The following RIN3 variants were observed in gnomAD, a reference collection of about 807,000 sequenced individuals.
RIN3 encodes RAB5 interacting protein 3.
RIN3 carries 54 observed loss-of-function variants against 76.3 expected under a neutral mutation model. The observed-to-expected ratio is 0.71, with a 90% CI of 0.57 to 0.89. The LOEUF (loss-of-function observed/expected upper bound fraction) is 0.89. Among genes scored for constraint, RIN3 ranks in the 40% least tolerant of loss-of-function variants. The probability of loss-of-function intolerance (pLI) is 0.00; values close to 1 mark genes in which losing one functional copy is unlikely to be tolerated. For synonymous variants in RIN3, 576 were observed against 564.0 expected (o/e 1.02, Z -0.30); for missense variants, 1,256 against 1,322.1 (o/e 0.95, Z 0.78).
At chr14:92,613,939 GTTGTGGGGCAGGTGC>G (rs1318920495) in intron 3 of RIN3, among the ~76,000 whole-genome samples, 1 of 152,204 alleles carries the variant, frequency 6.6e-6, no homozygotes, top group African/African-American at 2.4e-5. Flanking sequence ...TGAGTCAGGA[GTTGTGGGGCAGGTGC>G]CTGTGGGGCA....
chr14:92,657,019 C>CGT (rs201707132), intron 6 of RIN3, among the ~76,000 whole-genome samples: 2,022 of 152,242 alleles, frequency 0.013, 50 homozygotes, highest in African/African-American at 0.046. Flanking sequence ...AAGCTCTGCC[C>CGT]ATGTGTGTGG....
intron 4 of RIN3, among the ~76,000 whole-genome samples, chr14:92,636,357 G>A (rs1465328287): frequency 6.6e-6 from 1 of 152,192 alleles, no homozygotes; most frequent in Non-Finnish European, 1.5e-5. Flanking sequence ...AGGCCACTGT[G>A]TGGATCACCT....
intron 1 of RIN3, among the ~76,000 whole-genome samples, chr14:92,523,179 T>A (rs764637379): frequency 5.3e-5 from 8 of 152,186 alleles, no homozygotes; most frequent in Non-Finnish European, 1.2e-4. Context: ...GTGGCGATCT[T>A]GGCTCACTGC....
Position 92,645,604 on chromosome 14 carries a change from G to A in RIN3, c.532+4275G>A, listed in dbSNP as rs945733896. ...ATTGGCGATTGCCAGGGGCTGCATA[G>A]AAAGGGGGATGGAGAGTGACTGCTA... is the stretch of plus-strand genomic sequence containing the variant. On this transcript the variant is annotated intron_variant, in intron 5 of 9. Transcript: ENST00000216487. Among the ~76,000 whole-genome samples, 4 of 152,226 alleles carry A rather than the reference G, an allele frequency of 2.6e-5. No individual in the cohort carries two copies. The East Asian group carries it at 7.7e-4, about 29-fold the overall frequency.
intron 3 of RIN3, among the ~76,000 whole-genome samples, chr14:92,580,129 C>A (rs1369566413): frequency 6.6e-6 from 1 of 152,256 alleles, no homozygotes; most frequent in Non-Finnish European, 1.5e-5. Context: ...GTAATCCCAG[C>A]ACTTCGGGAG....
chr14:92,547,725 A>G (rs1036838535), intron 1 of RIN3, among the ~76,000 whole-genome samples: 1 of 151,668 alleles, frequency 6.6e-6, no homozygotes, highest in Non-Finnish European at 1.5e-5. Context: ...CTTTTTTGAG[A>G]CAGAGTCTCG....
At chr14:92,680,420 G>A (rs895991292) in intron 8 of RIN3, among the ~76,000 whole-genome samples, 12 of 152,132 alleles carry the variant, frequency 7.9e-5, no homozygotes, top group African/African-American at 2.7e-4. Flanking sequence ...GGCTGGTCTC[G>A]AACTCCTGAT....
chr14:92,650,874 G>A (rs1887390418), intron 5 of RIN3: 1 of 152,282 alleles, frequency 6.6e-6, no homozygotes, highest in Non-Finnish European at 1.5e-5. Context: ...GCTCCACGGT[G>A]CAGGAGCCTT....
At chr14:92,545,356 T>C (rs7143183) in intron 1 of RIN3, among the ~76,000 whole-genome samples, 124,600 of 151,628 alleles carry the variant, frequency 0.82, 51,319 homozygotes, top group Middle Eastern at 0.87. Flanking sequence ...GTGATCCACC[T>C]GCCTCGGCCT....
chr14:92,570,312 C>T (rs952114402), intron 2 of RIN3, among the ~76,000 whole-genome samples: 2 of 105,506 alleles, frequency 1.9e-5, no homozygotes, highest in East Asian at 5.3e-4. Flanking sequence ...AGAGTTCCCT[C>T]GTGGCAGATA....
chr14:92,678,623 C>T (rs190260714), intron 8 of RIN3, among the ~76,000 whole-genome samples: 36 of 151,974 alleles, frequency 2.4e-4, no homozygotes, highest in African/African-American at 8.4e-4. Context: ...ATCCACCCAC[C>T]TACGCAATCA....
intron 4 of RIN3, among the ~76,000 whole-genome samples, chr14:92,632,997 G>A (rs1197701655): frequency 2.6e-5 from 4 of 152,188 alleles, no homozygotes; most frequent in Admixed American, 6.5e-5. Context: ...GCTCTTCAGC[G>A]AGCAACCTGG....
rs1898280769 is a variant in RIN3 at position 92,577,457 on chromosome 14, C to G, written c.347C>G (p.Thr116Ser). Residue 116 changes from threonine (T) to serine (S), a missense_variant, in exon 3 of 10, where the codon ACC (threonine) becomes AGC (serine). This residue lies in a region of RIN3 where 610 missense variants were observed against 626.4 expected (regional missense o/e 0.97). Transcript: ENST00000216487. ...NESSAEVLEY[T>S]IKEEKSILYL... ...AGCTCGGCCGAGGTGCTCGAATACA[C>G]CATTAAGGAAGAAAAGTCGAGTAAG... 4 of 1,611,896 alleles carry G rather than the reference C, an allele frequency of 2.5e-6. No homozygotes were observed. The highest frequency in any genetic ancestry group is 4.5e-5 in the East Asian group (2 of 44,826).
At position 92,609,134 on chromosome 14, in the gene RIN3, T is replaced by A. The variant is rs1359132720; in HGVS notation, c.368-6273T>A. The stretch of plus-strand genomic sequence containing the variant: ...ACTCCCACTTATAAGTAAGAACATA[T>A]GATATATAGTTTTTCCATTCCTGAA... On this transcript the variant is annotated intron_variant, in intron 3 of 9. Coordinates refer to ENST00000216487, the MANE Select transcript of RIN3 (RefSeq NM_024832.5). Among the ~76,000 whole-genome samples, 8 of 152,310 alleles carry A rather than the reference T, an allele frequency of 5.3e-5. No homozygotes were observed. In the East Asian group the frequency reaches 1.3e-3, roughly 26 times the overall value.
At chr14:92,686,372 T>A (rs1413436764) in intron 9 of RIN3, 2 of 152,198 alleles carry the variant, frequency 1.3e-5, no homozygotes, top group Non-Finnish European at 2.9e-5. Context: ...AAGCTCTGAT[T>A]TTAGCTTCTG....
intron 2 of RIN3, among the ~76,000 whole-genome samples, chr14:92,564,101 G>C (rs900003248): frequency 2.0e-5 from 3 of 152,230 alleles, no homozygotes; most frequent in African/African-American, 7.2e-5. Context: ...TCCCCAAGCA[G>C]CTGGAAAATA....
At chr14:92,585,371 G>T (rs1307460217) in intron 3 of RIN3, among the ~76,000 whole-genome samples, 1 of 152,134 alleles carries the variant, frequency 6.6e-6, no homozygotes, top group Non-Finnish European at 1.5e-5. Flanking sequence ...TGACACCCGT[G>T]CACATGGATC....
chr14:92,564,212 TA>T (rs1312689942), intron 2 of RIN3, among the ~76,000 whole-genome samples: 1 of 152,226 alleles, frequency 6.6e-6, no homozygotes, highest in Non-Finnish European at 1.5e-5. Context: ...TAGCTTTGGA[TA>T]AAAATCCAAA....
Position 92,652,203 on chromosome 14 carries a change from C to G in RIN3, c.1154C>G (p.Ala385Gly). Residue 385 changes from alanine (A) to glycine (G), a missense_variant, in exon 6 of 10, where the codon GCC becomes GGC. Physicochemically the swap from Ala to Gly is moderately conservative, Grantham distance 60. This residue lies in a region of RIN3 where 610 missense variants were observed against 626.4 expected (regional missense o/e 0.97). Transcript: ENST00000216487. This position sits in a 1 kb window ranked among gnomAD's most constrained non-coding sequence, Gnocchi z 6.4. The stretch of plus-strand genomic sequence containing the variant: ...CCTGCGAAGAAGAACCTTCCCACTG[C>G]CCCTCCCAGACGCCGCGTTTCCGAG... Reference protein sequence around the residue: ...PLPAKKNLPTAPPRRRVSERV... With the variant: ...PLPAKKNLPTGPPRRRVSERV... The G allele has an allele frequency of 6.2e-7, 1 of 1,606,152 alleles. No individual in the cohort carries two copies. Among genetic ancestry groups the G allele is most frequent in the Non-Finnish European group, 8.5e-7 (1 of 1,174,930 alleles).
Sources: gnomAD v4.1 joint callset for allele counts (sites outside exome capture counted in the v4.1 genomes callset) on GRCh38, gnomAD v4.1.1 for gene constraint, gnomAD v4.1.1 regional missense constraint, Gnocchi (gnomAD v3.1) non-coding constraint, MANE v1.5 for transcripts, NCBI Gene and HGNC (gene_info 2026-07-23, HGNC 2026-07-21) for gene names.